Variants in ALCAM observed in about 807,000 individuals in gnomAD.
ALCAM encodes the protein CD166 antigen.
In ALCAM, 30 loss-of-function variants were observed where a neutral mutation model predicts 70.9. The ratio of observed to expected loss-of-function variants is 0.42; its 90% CI spans 0.32 to 0.57. The LOEUF is 0.57. Ranked by LOEUF, ALCAM falls within the 20% of genes least tolerant of loss-of-function variation. The pLI is 0.11. For synonymous variants in ALCAM, 249 were observed against 242.5 expected, an observed-to-expected ratio of 1.03 and a Z score of -0.25; for missense variants, 591 against 695.1, an observed-to-expected ratio of 0.85 and a Z score of 1.68.
intron 1 of ALCAM, among the ~76,000 whole-genome samples, chr3:105,473,535 C>T (rs1044893897): frequency 2.0e-5 from 3 of 151,508 alleles, no homozygotes; most frequent in African/African-American, 4.8e-5. Context: ...TATCTGCATA[C>T]CCTAGGCTTA....
chr3:105,531,935 G>T (rs1939848601), intron 3 of ALCAM, 67 bp from the exon 4 acceptor site: 1 of 1,248,228 alleles, frequency 8.0e-7, no homozygotes, highest in South Asian at 1.2e-5. Context: ...TTTTTGCTGT[G>T]AATCAAATCA....
chr3:105,367,682 G>A (rs780579398), intron 1 of ALCAM, among the ~76,000 whole-genome samples: 4 of 152,220 alleles, frequency 2.6e-5, no homozygotes, highest in Non-Finnish European at 5.9e-5. Flanking sequence ...CTCAAGTTTG[G>A]GCATCAAGCT....
chr3:105,500,753 G>C (rs914542854), intron 1 of ALCAM, among the ~76,000 whole-genome samples: 1 of 152,146 alleles, frequency 6.6e-6, no homozygotes, highest in Non-Finnish European at 1.5e-5. Context: ...GTTACAGGAT[G>C]AGTGACTGCA....
chr3:105,527,346 AACTT>A (rs1939731074), intron 3 of ALCAM, among the ~76,000 whole-genome samples: 1 of 152,020 alleles, frequency 6.6e-6, no homozygotes, highest in Non-Finnish European at 1.5e-5. Flanking sequence ...TCACCAGGAG[AACTT>A]ACTTTATGAG....
chr3:105,525,409 C>T (rs1040368038), intron 3 of ALCAM: 19 of 951,910 alleles, frequency 2.0e-5, no homozygotes, highest in Non-Finnish European at 2.1e-5. Context: ...GCCTCTATTA[C>T]TTCACAATAT....
At chr3:105,527,466 C>T (rs1308198182) in intron 3 of ALCAM, among the ~76,000 whole-genome samples, 1 of 152,020 alleles carries the variant, frequency 6.6e-6, no homozygotes, top group Non-Finnish European at 1.5e-5. Flanking sequence ...GGAGGTTTTC[C>T]CATTCTGATG....
chr3:105,466,583 G>A lies in ALCAM; in HGVS notation c.74-53484G>A, dbSNP rs189949769. ...CATTCTTTTTCATGTGCCAGGATGTGGCCCAAAGGTTAACTTGTCCATCTA... is the reference window on the plus strand; with the variant it reads ...CATTCTTTTTCATGTGCCAGGATGTAGCCCAAAGGTTAACTTGTCCATCTA... On this transcript the variant is annotated intron_variant, in intron 1 of 15. Coordinates refer to ENST00000306107, the MANE Select transcript of ALCAM (RefSeq NM_001627.4). Among the ~76,000 whole-genome samples, 308 of 151,270 alleles carry A rather than the reference G, an allele frequency of 2.0e-3. 2 individuals are homozygous for A. The highest frequency in any genetic ancestry group is 7.0e-3 in the African/African-American group (291 of 41,386).
chr3:105,557,265 GA>G (rs1040153474), intron 14 of ALCAM, among the ~76,000 whole-genome samples: 14 of 152,034 alleles, frequency 9.2e-5, no homozygotes. Context: ...CAGGCTGCCA[GA>G]AGGAAGAAAA....
Position 105,541,761 on chromosome 3 carries a change from T to A in ALCAM, c.987T>A (p.Val329=), listed in dbSNP as rs767806838. The part of the protein sequence containing the change: ...KSMIASTAIT[V]HYLDLSLNPS... ...TGATTGCTTCAACAGCTATCACAGT[T>A]CACTGTAAGTCACCTACTTCTTCAT... The change falls in exon 8 of 16, where the codon GTT becomes GTA. Residue 329 remains valine (V), a synonymous_variant. Transcript: ENST00000306107. 6.2e-7 allele frequency: 1 copy of A among 1,611,696 alleles called. No individual in the cohort carries two copies. The highest frequency in any genetic ancestry group is 1.1e-5 in the South Asian group (1 of 90,970).
chr3:105,522,177 G>A (rs1939561445), intron 2 of ALCAM, among the ~76,000 whole-genome samples: 1 of 152,178 alleles, frequency 6.6e-6, no homozygotes, highest in Non-Finnish European at 1.5e-5. Context: ...TGGCACAGTG[G>A]CACTGGAAAT....
At chr3:105,378,787 GAGA>G (rs1935441256) in intron 1 of ALCAM, among the ~76,000 whole-genome samples, 1 of 151,928 alleles carries the variant, frequency 6.6e-6, no homozygotes, top group South Asian at 2.1e-4. Context: ...CTTTCTAAAA[GAGA>G]TTATAAAATA....
At chr3:105,462,006 A>G (rs1437103744) in intron 1 of ALCAM, among the ~76,000 whole-genome samples, 1 of 151,690 alleles carries the variant, frequency 6.6e-6, no homozygotes, top group African/African-American at 2.4e-5. Context: ...AATTTTCATA[A>G]TCCTGGGGAA....
intron 11 of ALCAM, among the ~76,000 whole-genome samples, chr3:105,548,954 GCAGA>G (rs1940319452): frequency 6.6e-6 from 1 of 151,364 alleles, no homozygotes; most frequent in Non-Finnish European, 1.5e-5. Context: ...AGAAACATAA[GCAGA>G]CAGTAAGTTT....
At chr3:105,539,480 C>T (rs192284597) in intron 6 of ALCAM, among the ~76,000 whole-genome samples, 52 of 152,122 alleles carry the variant, frequency 3.4e-4, no homozygotes, top group Non-Finnish European at 6.9e-4. Context: ...GATCTTCTCT[C>T]CTGCATGCCG....
intron 14 of ALCAM, among the ~76,000 whole-genome samples, chr3:105,554,496 C>T (rs1335188526): frequency 6.6e-6 from 1 of 151,918 alleles, no homozygotes. Context: ...CCAGAGATAC[C>T]CTCACAGACA....
intron 1 of ALCAM, among the ~76,000 whole-genome samples, chr3:105,451,000 G>A (rs1204024990): frequency 6.6e-6 from 1 of 151,994 alleles, no homozygotes; most frequent in East Asian, 1.9e-4. Context: ...TACACCCAAA[G>A]GAGGTAGGAA....
At chr3:105,569,239 A>G (rs1940810547) in intron 14 of ALCAM, among the ~76,000 whole-genome samples, 1 of 152,080 alleles carries the variant, frequency 6.6e-6, no homozygotes, top group Non-Finnish European at 1.5e-5. Context: ...CAAAAGGAGA[A>G]GTAGAAAGAA....
At chr3:105,572,111 A>C (rs1455862285) in intron 15 of ALCAM, 147 bp downstream of exon 15, 4 of 551,860 alleles carry the variant, frequency 7.2e-6, no homozygotes, top group Non-Finnish European at 9.7e-6. Flanking sequence ...ATTATGCTTT[A>C]AGTTCTCAGA....
chr3:105,498,317 G>C (rs1274658649), intron 1 of ALCAM, among the ~76,000 whole-genome samples: 1 of 152,028 alleles, frequency 6.6e-6, no homozygotes, highest in African/African-American at 2.4e-5. Flanking sequence ...TGTAGTTTCT[G>C]GTCACACAAA....
Sources: allele counts gnomAD v4.1 joint callset (sites outside exome capture counted in the v4.1 genomes callset), GRCh38; gene constraint gnomAD v4.1.1; transcripts MANE v1.5; gene names NCBI Gene and HGNC (gene_info 2026-07-23, HGNC 2026-07-21).